The following STK24 variants were observed in gnomAD, a reference collection of about 807,000 sequenced individuals.
STK24 encodes the protein serine/threonine kinase 24.
Under a neutral mutation model 55.6 loss-of-function variants are expected in STK24, and 21 were observed. That is an observed-to-expected ratio of 0.38 (90% CI 0.27 to 0.54). The LOEUF is 0.54. Among genes scored for constraint, STK24 ranks in the 20% least tolerant of loss-of-function variants. STK24 has a pLI of 0.79. For synonymous variants in STK24, 200 were observed against 215.2 expected (o/e 0.93, Z 0.62); for missense variants, 383 against 538.4 (o/e 0.71, Z 2.86).
intron 1 of STK24, among the ~76,000 whole-genome samples, chr13:98,526,147 T>G (rs1896422179): frequency 6.6e-6 from 1 of 152,082 alleles, no homozygotes; most frequent in South Asian, 2.1e-4. Flanking sequence ...CGTCTTTGCT[T>G]TTTCTGGTTT....
intron 2 of STK24, among the ~76,000 whole-genome samples, chr13:98,494,401 C>A (rs1895165697): frequency 3.8e-5 from 2 of 52,024 alleles, no homozygotes; most frequent in African/African-American, 6.1e-5. Flanking sequence ...GTGACAGAGC[C>A]AGACTCGTCT....
intron 1 of STK24, among the ~76,000 whole-genome samples, chr13:98,557,552 C>T (rs1056345629): frequency 2.5e-4 from 38 of 152,328 alleles, no homozygotes; most frequent in African/African-American, 8.7e-4. Flanking sequence ...CAGCTTTTAC[C>T]TGGGAAACCG....
intron 1 of STK24, among the ~76,000 whole-genome samples, chr13:98,534,061 A>ATCCACATCCTCC (rs1415755139): frequency 6.6e-6 from 1 of 152,150 alleles, no homozygotes; most frequent in Non-Finnish European, 1.5e-5. Flanking sequence ...TGGTCATCTC[A>ATCCACATCCTCC]TCCACATCCT....
At chr13:98,479,757 G>T (rs1431507421) in intron 3 of STK24, among the ~76,000 whole-genome samples, 1 of 152,200 alleles carries the variant, frequency 6.6e-6, no homozygotes, top group East Asian at 1.9e-4. Context: ...CGGTGCTGTG[G>T]ATGTGGGAAA....
intron 1 of STK24, among the ~76,000 whole-genome samples, chr13:98,555,519 C>T (rs1897265432): frequency 6.6e-6 from 1 of 151,148 alleles, no homozygotes; most frequent in Non-Finnish European, 1.5e-5. Context: ...GCGGAGCTTG[C>T]AGTGAGCCGA....
chr13:98,456,626 G>A, intron 10 of STK24: 2 of 461,314 alleles, frequency 4.3e-6, no homozygotes, highest in Admixed American at 2.4e-5. Context: ...CACCCATAGT[G>A]CATTCAACAG....
At chr13:98,523,062 A>C (rs1896317568) in intron 1 of STK24, among the ~76,000 whole-genome samples, 1 of 152,212 alleles carries the variant, frequency 6.6e-6, no homozygotes, top group South Asian at 2.1e-4. Context: ...CATCCTACGA[A>C]GAATTTCTGA....
intron 1 of STK24, among the ~76,000 whole-genome samples, chr13:98,543,853 G>C (rs577922950): frequency 1.3e-5 from 2 of 152,128 alleles, no homozygotes; most frequent in Admixed American, 1.3e-4. Context: ...CGGCAGACTC[G>C]GTCACCCACA....
intron 2 of STK24, among the ~76,000 whole-genome samples, chr13:98,487,343 C>G (rs1649108901): frequency 6.6e-6 from 1 of 152,176 alleles, no homozygotes; most frequent in African/African-American, 2.4e-5. Context: ...TCAACAACCT[C>G]AAATAACCTA....
chr13:98,571,208 C>T (rs372182620), intron 1 of STK24, among the ~76,000 whole-genome samples: 6 of 152,214 alleles, frequency 3.9e-5, no homozygotes, highest in African/African-American at 4.8e-5. Context: ...AGGCTCCTCC[C>T]TTCAGTAACT....
intron 3 of STK24, among the ~76,000 whole-genome samples, chr13:98,480,675 T>C (rs1369843051): frequency 6.6e-6 from 1 of 152,270 alleles, no homozygotes; most frequent in Non-Finnish European, 1.5e-5. Flanking sequence ...TGCAGATACA[T>C]ATAGTTTCAG....
At chr13:98,571,137 C>T (rs1049581101) in intron 1 of STK24, among the ~76,000 whole-genome samples, 1 of 152,188 alleles carries the variant, frequency 6.6e-6, no homozygotes, top group Non-Finnish European at 1.5e-5. Context: ...GACGCCTGGA[C>T]TGCGGCTTTA....
chr13:98,465,433 A>G (rs1011269920), intron 6 of STK24, among the ~76,000 whole-genome samples: 15 of 152,358 alleles, frequency 9.8e-5, no homozygotes, highest in African/African-American at 3.6e-4. Context: ...GCCTGCACAC[A>G]TCTCCACTGG....
chr13:98,551,369 C>T (rs1897156373), intron 1 of STK24, among the ~76,000 whole-genome samples: 1 of 151,792 alleles, frequency 6.6e-6, no homozygotes. Flanking sequence ...AAATAAGCTA[C>T]GAGGCCACCA....
chr13:98,534,408 C>T (rs1453587984), intron 1 of STK24, among the ~76,000 whole-genome samples: 2 of 152,196 alleles, frequency 1.3e-5, no homozygotes, highest in Non-Finnish European at 2.9e-5. Context: ...TCGGGAGGAA[C>T]TTAGTTTATA....
chr13:98,462,008 C>T, intron 7 of STK24, 111 bp from the exon 8 acceptor site: 1 of 1,371,690 alleles, frequency 7.3e-7, no homozygotes, highest in Non-Finnish European at 1.0e-6. Flanking sequence ...ACCCACCAGC[C>T]CCAAGTCCCC....
intron 5 of STK24, among the ~76,000 whole-genome samples, chr13:98,474,135 T>C (rs1025097307): frequency 6.6e-6 from 1 of 152,062 alleles, no homozygotes; most frequent in African/African-American, 2.4e-5. Flanking sequence ...GGATTTTTTG[T>C]CCCATCTAAC....
chr13:98,451,555 C>G lies in STK24; in HGVS notation c.*1618G>C, dbSNP rs911603859. The stretch of plus-strand genomic sequence containing the variant: ...TAGCAAACCGACACAATAACCCACT[C>G]AAGCATCTGTAGCTCAGGGCTCTGT... On this transcript the variant is annotated 3_prime_UTR_variant, in exon 11 of 11. Coordinates refer to ENST00000539966, the MANE Select transcript of STK24 (RefSeq NM_001032296.4). 1 of 152,166 alleles carries G rather than the reference C, an allele frequency of 6.6e-6. No individual in the cohort carries two copies. The highest frequency in any genetic ancestry group is 1.5e-5 in the Non-Finnish European group (1 of 68,034). 9.4% of individuals were successfully genotyped at this position (152,166 alleles called of 1,614,324 possible).
intron 2 of STK24, among the ~76,000 whole-genome samples, chr13:98,494,428 A>AAAAAAGG (rs58955737): frequency 6.7e-6 from 1 of 148,884 alleles, no homozygotes; most frequent in Non-Finnish European, 1.5e-5. Flanking sequence ...AAAAAAAAAA[A>AAAAAAGG]GTGCCTCTAA....
Sources: gnomAD v4.1 joint callset for allele counts (sites outside exome capture counted in the v4.1 genomes callset) on GRCh38, gnomAD v4.1.1 for gene constraint, MANE v1.5 for transcripts, NCBI Gene and HGNC (gene_info 2026-07-23, HGNC 2026-07-21) for gene names.